ST6GALNAC5: variants seen among roughly 807,000 people sequenced by gnomAD.
The protein encoded by ST6GALNAC5 is alpha-N-acetylgalactosaminide alpha-2,6-sialyltransferase 5.
Under a neutral mutation model 33.6 loss-of-function variants are expected in ST6GALNAC5, and 27 were observed. The ratio of observed to expected loss-of-function variants is 0.80; its 90% CI spans 0.59 to 1.11. The LOEUF (loss-of-function observed/expected upper bound fraction) is 1.11. ST6GALNAC5 is among the 50% of genes least tolerant of loss of function. The probability of loss-of-function intolerance (pLI) is 0.00; values close to 1 mark genes in which losing one functional copy is unlikely to be tolerated. For missense variants in ST6GALNAC5, 428 were observed against 454.0 expected (o/e 0.94, Z 0.52); for synonymous variants, 194 against 171.2 (o/e 1.13, Z -1.04).
At chr1:76,894,502 C>G (rs1039460844) in intron 2 of ST6GALNAC5, among the ~76,000 whole-genome samples, 1 of 152,114 alleles carries the variant, frequency 6.6e-6, no homozygotes, top group South Asian at 2.1e-4. Flanking sequence ...AGCAAGGAAC[C>G]CTTGTATCCA....
chr1:76,868,809 C>T lies in ST6GALNAC5; in HGVS notation c.261+67C>T, dbSNP rs1243790349. 102 of 1,432,436 alleles carry T rather than the reference C, an allele frequency of 7.1e-5. No individual in the cohort carries two copies. The highest frequency in any genetic ancestry group is 9.1e-5 in the Non-Finnish European group (100 of 1,099,284). The allele number at this position is 1,432,436 out of a possible 1,614,324, so 88.7% of individuals were successfully genotyped here. A position where few individuals can be genotyped will look rare whatever the true frequency, so the allele number is the denominator to read the frequency against. On this transcript the variant is annotated intron_variant, in intron 2 of 4. Coordinates refer to ENST00000477717, the MANE Select transcript of ST6GALNAC5 (RefSeq NM_030965.3). This position sits in a 1 kb window ranked among gnomAD's most constrained non-coding sequence, Gnocchi z 4.3. ...GATCCCGCACACCTGAGCCTTCCCCCTTTCCCGGGGCTGGGAGGCGCTGTG... is the reference window on the plus strand; with the variant it reads ...GATCCCGCACACCTGAGCCTTCCCCTTTTCCCGGGGCTGGGAGGCGCTGTG...
intron 2 of ST6GALNAC5, among the ~76,000 whole-genome samples, chr1:77,037,168 T>C (rs1651672628): frequency 1.3e-5 from 2 of 152,130 alleles, no homozygotes; most frequent in South Asian, 4.1e-4. Context: ...TTGAGAGCCA[T>C]GACACAGAGC....
chr1:77,063,434 C>A lies in ST6GALNAC5; in HGVS notation c.*228C>A, dbSNP rs532849683. Reference sequence around the variant, plus strand: ...AATGTTGTCCCCTTCAATGGTGTTACCTTAGGAGCTGAACATTCAATTCAG... The same window carrying A: ...AATGTTGTCCCCTTCAATGGTGTTAACTTAGGAGCTGAACATTCAATTCAG... On this transcript the variant is annotated 3_prime_UTR_variant, in exon 5 of 5. Coordinates refer to ENST00000477717, the MANE Select transcript of ST6GALNAC5 (RefSeq NM_030965.3). 3.7e-5 allele frequency: 20 copies of A among 533,740 alleles called. No homozygotes were observed. The highest frequency in any genetic ancestry group is 3.6e-4 in the African/African-American group (19 of 52,912). The allele number at this position is 533,740 out of a possible 1,614,324, so 33.1% of individuals were successfully genotyped here. A position where few individuals can be genotyped will look rare whatever the true frequency, so the allele number is the denominator to read the frequency against.
intron 2 of ST6GALNAC5, among the ~76,000 whole-genome samples, chr1:76,960,981 T>C (rs1002469472): frequency 6.6e-6 from 1 of 152,104 alleles, no homozygotes; most frequent in African/African-American, 2.4e-5. Context: ...GATTAAGAGA[T>C]TGAAGTAAAG....
chr1:77,029,952 A>G (rs527354605), intron 2 of ST6GALNAC5, among the ~76,000 whole-genome samples: 1 of 152,346 alleles, frequency 6.6e-6, no homozygotes, highest in African/African-American at 2.4e-5. Context: ...ATTTATGGGA[A>G]TGCAGTGTGT....
intron 2 of ST6GALNAC5, among the ~76,000 whole-genome samples, chr1:76,942,850 C>G (rs888533428): frequency 6.6e-6 from 1 of 152,126 alleles, no homozygotes; most frequent in Non-Finnish European, 1.5e-5. Flanking sequence ...AGCTGCATAT[C>G]TAGACAGAAC....
intron 2 of ST6GALNAC5, among the ~76,000 whole-genome samples, chr1:76,910,267 T>C (rs1414805552): frequency 6.6e-6 from 1 of 152,098 alleles, no homozygotes; most frequent in Non-Finnish European, 1.5e-5. Flanking sequence ...GTAATTATTG[T>C]AATTGCATCT....
chr1:76,918,728 C>T (rs1235828298), intron 2 of ST6GALNAC5, among the ~76,000 whole-genome samples: 3 of 152,008 alleles, frequency 2.0e-5, no homozygotes, highest in African/African-American at 7.2e-5. Flanking sequence ...ACTTTGATCC[C>T]TAGGGAATAA....
At position 77,063,230 on chromosome 1, in the gene ST6GALNAC5, T is replaced by C. The variant is rs192671768; in HGVS notation, c.*24T>C. On this transcript the variant is annotated 3_prime_UTR_variant, in exon 5 of 5. Coordinates refer to ENST00000477717, the MANE Select transcript of ST6GALNAC5 (RefSeq NM_030965.3). ...AAGGAATGAGCATGCCAGACTGTAA[T>C]CCCAGGTATTCACTGCATCAGACAC... is the stretch of plus-strand genomic sequence containing the variant. The C allele has an allele frequency of 1.9e-4, 305 of 1,603,182 alleles. No individual in the cohort carries two copies. The highest frequency in any genetic ancestry group is 2.5e-4 in the Non-Finnish European group (297 of 1,170,950).
At chr1:76,911,171 A>G (rs916138632) in intron 2 of ST6GALNAC5, among the ~76,000 whole-genome samples, 1 of 152,116 alleles carries the variant, frequency 6.6e-6, no homozygotes, top group African/African-American at 2.4e-5. Flanking sequence ...GAATTTTGTC[A>G]AAGGCCTTTT....
At chr1:76,946,924 G>A (rs577920850) in intron 2 of ST6GALNAC5, among the ~76,000 whole-genome samples, 10 of 152,198 alleles carry the variant, frequency 6.6e-5, no homozygotes, top group African/African-American at 2.4e-4. Context: ...GTATGTGAAA[G>A]TATTAGCTGA....
chr1:77,016,360 G>A (rs370312124), intron 2 of ST6GALNAC5, among the ~76,000 whole-genome samples: 26 of 148,010 alleles, frequency 1.8e-4, no homozygotes, highest in East Asian at 1.2e-3. Flanking sequence ...CTTGCTAGAC[G>A]GAAAAAATAG....
chr1:76,877,269 G>A (rs1337397441), intron 2 of ST6GALNAC5, among the ~76,000 whole-genome samples: 1 of 152,168 alleles, frequency 6.6e-6, no homozygotes, highest in East Asian at 1.9e-4. Flanking sequence ...ATCCCTATCT[G>A]CCACTGACAC....
chr1:76,889,375 C>G (rs1007971767), intron 2 of ST6GALNAC5, among the ~76,000 whole-genome samples: 3 of 152,118 alleles, frequency 2.0e-5, no homozygotes, highest in Non-Finnish European at 4.4e-5. Context: ...TGATTACCAT[C>G]ATTCCTTCTT....
At chr1:76,878,480 C>T (rs998568722) in intron 2 of ST6GALNAC5, among the ~76,000 whole-genome samples, 9 of 152,170 alleles carry the variant, frequency 5.9e-5, no homozygotes, top group African/African-American at 2.2e-4. Context: ...GAATCAATGT[C>T]AGCTCAGAGC....
chr1:77,015,084 CACAT>C (rs71704880), intron 2 of ST6GALNAC5, among the ~76,000 whole-genome samples: 31,747 of 114,658 alleles, frequency 0.28, 3,365 homozygotes, highest in African/African-American at 0.39. Flanking sequence ...CACACACACA[CACAT>C]GGAGCTTTAT....
chr1:77,015,817 G>C (rs1287921911), intron 2 of ST6GALNAC5, among the ~76,000 whole-genome samples: 1 of 152,044 alleles, frequency 6.6e-6, no homozygotes, highest in African/African-American at 2.4e-5. Context: ...AGCCCCAGAG[G>C]CAAGACAGGG....
At chr1:76,971,238 C>T (rs1648743161) in intron 2 of ST6GALNAC5, among the ~76,000 whole-genome samples, 1 of 152,130 alleles carries the variant, frequency 6.6e-6, no homozygotes, top group African/African-American at 2.4e-5. Context: ...GGGTGATAGA[C>T]CCGTGATGCG....
In ST6GALNAC5 at chr1:77,063,081, C is replaced by A. The variant is rs778221691; in HGVS notation, c.886C>A (p.Arg296Ser). ...GCGAGGACGCAAGGGCAGTCATCACCGCTTTATCACAGAGAAACGAGTCTT... is the reference window on the plus strand; with the variant it reads ...GCGAGGACGCAAGGGCAGTCATCACAGCTTTATCACAGAGAAACGAGTCTT... Reference protein sequence around the residue: ...HERGRKGSHHRFITEKRVFKN... With the variant: ...HERGRKGSHHSFITEKRVFKN... Residue 296 changes from arginine (R) to serine (S), a missense_variant, in exon 5 of 5, where the codon CGC (arginine) becomes AGC (serine). Transcript: ENST00000477717. 6.2e-7 allele frequency: 1 copy of A among 1,613,878 alleles called. No homozygotes were observed. The highest frequency in any genetic ancestry group is 1.7e-5 in the Admixed American group (1 of 59,986).
Sources: gnomAD v4.1 joint callset for allele counts (sites outside exome capture counted in the v4.1 genomes callset) on GRCh38, gnomAD v4.1.1 for gene constraint, Gnocchi (gnomAD v3.1) non-coding constraint, MANE v1.5 for transcripts, NCBI Gene and HGNC (gene_info 2026-07-23, HGNC 2026-07-21) for gene names.